Variants in CERS6 observed in about 807,000 individuals in gnomAD.
CERS6 encodes the protein ceramide synthase 6, also known as LAG1 homolog, ceramide synthase 6.
A neutral mutation model predicts 56.8 loss-of-function variants in CERS6; 26 were observed. The observed-to-expected ratio is 0.46, with a 90% CI of 0.34 to 0.63. The LOEUF is 0.63. CERS6 is among the 30% of genes least tolerant of loss of function. The pLI, the probability that CERS6 is intolerant of heterozygous loss-of-function variation, is 0.01. For synonymous variants in CERS6, 164 were observed against 173.3 expected (o/e 0.95, Z 0.42); for missense variants, 415 against 467.5 (o/e 0.89, Z 1.04).
chr2:168,475,672 CCG>C (rs1694055391), intron 1 of CERS6, among the ~76,000 whole-genome samples: 2 of 152,146 alleles, frequency 1.3e-5, no homozygotes, highest in East Asian at 3.9e-4. Flanking sequence ...AATTGGGAAA[CCG>C]TTAAGTTTAC....
At chr2:168,552,831 A>C (rs1228489983) in intron 2 of CERS6, among the ~76,000 whole-genome samples, 1 of 152,238 alleles carries the variant, frequency 6.6e-6, no homozygotes, top group African/African-American at 2.4e-5. Flanking sequence ...TGATTAATAA[A>C]GAAGCAACTC....
chr2:168,544,220 G>A (rs1015744748), intron 1 of CERS6, among the ~76,000 whole-genome samples: 13 of 152,064 alleles, frequency 8.5e-5, no homozygotes, highest in African/African-American at 3.1e-4. Context: ...CTCTCTCACT[G>A]TCTGTCTCTG....
intron 3 of CERS6, among the ~76,000 whole-genome samples, chr2:168,599,237 G>C (rs1377591526): frequency 6.6e-6 from 1 of 152,146 alleles, no homozygotes; most frequent in Non-Finnish European, 1.5e-5. Flanking sequence ...GTTGTGCTCT[G>C]TGTGGTTCTT....
chr2:168,630,963 A>ATT, intron 3 of CERS6, 22 bp from the exon 4 acceptor site: 3 of 1,260,562 alleles, frequency 2.4e-6, no homozygotes, highest in Non-Finnish European at 3.4e-6. Context: ...AATGTCACAG[A>ATT]TTTTTTTTTA....
chr2:168,660,522 G>T (rs1483018900), intron 4 of CERS6, among the ~76,000 whole-genome samples: 1 of 151,828 alleles, frequency 6.6e-6, no homozygotes, highest in Admixed American at 6.6e-5. Flanking sequence ...TCTAAACTCT[G>T]TAAGAAATAC....
intron 3 of CERS6, among the ~76,000 whole-genome samples, chr2:168,618,277 A>C (rs1369177470): frequency 6.6e-6 from 1 of 152,194 alleles, no homozygotes; most frequent in Admixed American, 6.6e-5. Flanking sequence ...CCAAAATAAT[A>C]CTGAATGGGG....
At chr2:168,681,168 G>A (rs145439841) in intron 4 of CERS6, among the ~76,000 whole-genome samples, 1 of 152,312 alleles carries the variant, frequency 6.6e-6, no homozygotes, top group African/African-American at 2.4e-5. Flanking sequence ...GACTGATGGG[G>A]ATCTTGGAAG....
intron 2 of CERS6, among the ~76,000 whole-genome samples, chr2:168,552,391 CT>C (rs1396833350): frequency 2.3e-5 from 3 of 131,498 alleles, no homozygotes; most frequent in African/African-American, 8.4e-5. Flanking sequence ...CACACACACA[CT>C]ACACACACAA....
At chr2:168,619,345 A>G (rs1423595733) in intron 3 of CERS6, among the ~76,000 whole-genome samples, 1 of 152,236 alleles carries the variant, frequency 6.6e-6, no homozygotes, top group Admixed American at 6.5e-5. Flanking sequence ...CAGAAAAAAC[A>G]GAGAAATGGC....
At chr2:168,485,166 G>C (rs1384259080) in intron 1 of CERS6, among the ~76,000 whole-genome samples, 1 of 143,480 alleles carries the variant, frequency 7.0e-6, no homozygotes, top group Admixed American at 7.1e-5. Flanking sequence ...ACACTGCCTT[G>C]CTTTTTTTTT....
chr2:168,679,625 T>C (rs1013053497), intron 4 of CERS6, among the ~76,000 whole-genome samples: 3 of 152,188 alleles, frequency 2.0e-5, no homozygotes, highest in Non-Finnish European at 4.4e-5. Flanking sequence ...TTTGAAAATA[T>C]TGTTCAGGGA....
intron 3 of CERS6, among the ~76,000 whole-genome samples, chr2:168,617,327 G>A (rs1574103535): frequency 6.6e-6 from 1 of 152,080 alleles, no homozygotes; most frequent in Admixed American, 6.6e-5. Flanking sequence ...CAAGGAACTG[G>A]AGTAGCAAGA....
At chr2:168,672,732 C>A (rs1352380970) in intron 4 of CERS6, among the ~76,000 whole-genome samples, 1 of 152,178 alleles carries the variant, frequency 6.6e-6, no homozygotes, top group Non-Finnish European at 1.5e-5. Flanking sequence ...TTATATTCAG[C>A]AAATCTCTTC....
rs377414082 is a variant in CERS6 at position 168,477,982 on chromosome 2, T to C, written c.170+21364T>C. ...CCTATGCAAAAAGAAAGAAATATGC[T>C]CTTTTTCATGTATACTGAGAATATT... On this transcript the variant is annotated intron_variant, in intron 1 of 9. Coordinates refer to ENST00000305747, the MANE Select transcript of CERS6 (RefSeq NM_203463.3). Among the ~76,000 whole-genome samples, 10 of 152,364 alleles carry C rather than the reference T, an allele frequency of 6.6e-5. No homozygotes were observed. The East Asian group carries it at 1.2e-3, about 18-fold the overall frequency.
At chr2:168,692,765 G>T (rs893282814) in intron 5 of CERS6, among the ~76,000 whole-genome samples, 5 of 151,940 alleles carry the variant, frequency 3.3e-5, no homozygotes, top group African/African-American at 7.3e-5. Context: ...GTGTGTGGGT[G>T]GGGGGGAACT....
chr2:168,721,345 C>T (rs751307435), intron 8 of CERS6, among the ~76,000 whole-genome samples: 4 of 151,936 alleles, frequency 2.6e-5, no homozygotes, highest in Non-Finnish European at 5.9e-5. Context: ...TTTTATTTAT[C>T]CATTCATGAG....
chr2:168,515,589 A>G (rs926438629), intron 1 of CERS6, among the ~76,000 whole-genome samples: 1 of 152,176 alleles, frequency 6.6e-6, no homozygotes, highest in Non-Finnish European at 1.5e-5. Flanking sequence ...TCTGGTTCTC[A>G]GGCTTTTGTC....
chr2:168,491,081 A>G (rs956882938), intron 1 of CERS6, among the ~76,000 whole-genome samples: 7 of 152,204 alleles, frequency 4.6e-5, no homozygotes, highest in Non-Finnish European at 1.0e-4. Context: ...GAGGTGAGGG[A>G]AGAGCCTCAT....
intron 4 of CERS6, among the ~76,000 whole-genome samples, chr2:168,667,471 C>T (rs1036225716): frequency 6.6e-6 from 1 of 152,138 alleles, no homozygotes; most frequent in African/African-American, 2.4e-5. Context: ...ATTCTGCACT[C>T]GATATGTTTT....
Sources: gnomAD v4.1 joint callset for allele counts (sites outside exome capture counted in the v4.1 genomes callset) on GRCh38, gnomAD v4.1.1 for gene constraint, MANE v1.5 for transcripts, NCBI Gene and HGNC (gene_info 2026-07-23, HGNC 2026-07-21) for gene names.